Variants in BCAS1 observed in about 807,000 individuals in gnomAD.
BCAS1 encodes brain enriched myelin associated protein 1.
A neutral mutation model predicts 65.4 loss-of-function variants in BCAS1; 46 were observed. The ratio of observed to expected loss-of-function variants is 0.70; its 90% confidence interval spans 0.55 to 0.90. The LOEUF is 0.90. BCAS1 is among the 40% of genes least tolerant of loss of function. BCAS1 has a pLI of 0.00. For missense variants in BCAS1, 793 were observed against 771.2 expected, an observed-to-expected ratio of 1.03 and a Z score of -0.33; for synonymous variants, 298 against 293.5, an observed-to-expected ratio of 1.02 and a Z score of -0.16.
chr20:53,981,783 C>T (rs1247984814), intron 8 of BCAS1, among the ~76,000 whole-genome samples: 1 of 150,892 alleles, frequency 6.6e-6, no homozygotes, highest in African/African-American at 2.4e-5. Context: ...GAAGATATTC[C>T]AAATATATCA....
intron 10 of BCAS1, among the ~76,000 whole-genome samples, chr20:53,960,261 T>G (rs1424806833): frequency 6.6e-6 from 1 of 152,130 alleles, no homozygotes; most frequent in Non-Finnish European, 1.5e-5. Flanking sequence ...TTCCCGTTAG[T>G]TGTTTCAATT....
rs1420766458 is a variant in BCAS1 at position 53,985,569 on chromosome 20, T to C, written c.1063-70A>G. On this transcript the variant is annotated intron_variant, in intron 7 of 12. Transcript: ENST00000688948. ...CAAAATTTTAAAAATGGAAGATCTCTTTTTAATAAACATGGGCTGAGGTTA... is the reference window on the plus strand; with the variant it reads ...CAAAATTTTAAAAATGGAAGATCTCCTTTTAATAAACATGGGCTGAGGTTA... 15 of 1,398,976 alleles carry C rather than the reference T, an allele frequency of 1.1e-5. No homozygotes were observed. The Admixed American group carries it at 2.3e-4, about 22-fold the overall frequency. 86.7% of individuals were successfully genotyped at this position (1,398,976 alleles called of 1,614,324 possible).
intron 4 of BCAS1, among the ~76,000 whole-genome samples, chr20:54,016,412 G>A (rs1386581895): frequency 6.6e-6 from 1 of 152,052 alleles, no homozygotes; most frequent in Non-Finnish European, 1.5e-5. Context: ...GATCAAATTC[G>A]TGTACTTGGG....
chr20:54,001,163 T>G (rs138647167), intron 4 of BCAS1, among the ~76,000 whole-genome samples: 2,537 of 152,308 alleles, frequency 0.017, 87 homozygotes, highest in African/African-American at 0.057. Context: ...TAAGATTTGT[T>G]CGTGAAACTG....
At chr20:53,982,459 T>G (rs1458935477) in intron 8 of BCAS1, among the ~76,000 whole-genome samples, 2 of 152,188 alleles carry the variant, frequency 1.3e-5, no homozygotes, top group East Asian at 1.9e-4. Context: ...AACTTATACT[T>G]TCATATCCAT....
intron 4 of BCAS1, among the ~76,000 whole-genome samples, chr20:54,024,385 G>A (rs953988909): frequency 2.6e-5 from 4 of 152,162 alleles, no homozygotes; most frequent in East Asian, 1.9e-4. Flanking sequence ...ATTGTTAGGC[G>A]ATGAATGAAG....
Position 54,058,132 on chromosome 20 carries a change from C to G in BCAS1, c.95G>C (p.Gly32Ala), listed in dbSNP as rs141173606. The change falls in exon 3 of 13, where the codon GGG becomes GCG. Residue 32 changes from glycine (G) to alanine (A), a missense_variant. Gly to Ala is a moderately conservative substitution (Grantham distance 60). Transcript: ENST00000688948. ...GTGGGTCGACACCACCACTGGAACC[C>G]CGTTCAGAGCAGACGCGTTGTCCTG... ...TYQDNASALNGVPVVVSTHTV... is the reference protein window; with the variant it reads ...TYQDNASALNAVPVVVSTHTV... 388 of 1,614,036 alleles carry G rather than the reference C, an allele frequency of 2.4e-4. 1 individual carries two copies. In the African/African-American group the frequency reaches 4.5e-3, roughly 19 times the overall value.
intron 4 of BCAS1, among the ~76,000 whole-genome samples, chr20:54,005,303 A>AAAAACAAAACAAAACAAAACAAAAC (rs71196438): frequency 0.18 from 26,634 of 148,214 alleles, 2,668 homozygotes; most frequent in East Asian, 0.3. Context: ...GAAACAAAGC[A>AAAAACAAAACAAAACAAAACAAAAC]AAAACAAAAC....
intron 3 of BCAS1, among the ~76,000 whole-genome samples, chr20:54,043,289 ATGATAACT>A (rs1297706517): frequency 7.0e-6 from 1 of 142,616 alleles, no homozygotes; most frequent in Non-Finnish European, 1.5e-5. Flanking sequence ...GCTTGAAGCT[ATGATAACT>A]TGATGATGAT....
chr20:54,055,604 C>T (rs1176170270), intron 3 of BCAS1, among the ~76,000 whole-genome samples: 2 of 152,220 alleles, frequency 1.3e-5, no homozygotes, highest in South Asian at 4.2e-4. Context: ...GGTGGGGACA[C>T]AGAGCAAAAC....
chr20:54,023,908 T>A (rs892704867), intron 4 of BCAS1, among the ~76,000 whole-genome samples: 1 of 152,196 alleles, frequency 6.6e-6, no homozygotes, highest in African/African-American at 2.4e-5. Context: ...TTGAGGACTA[T>A]GGAAGGGAAA....
rs147212287 is a variant in BCAS1, at chr20:54,001,040, T to C, written c.724-4990A>G. ...TTGTTTGCATGTCAGACATTGTGAA[T>C]CTTACCTGTTTGGGTGGCTGGATAT... On this transcript the variant is annotated intron_variant, in intron 4 of 12. Coordinates refer to ENST00000688948, the MANE Select transcript of BCAS1 (RefSeq NM_001366298.2). 6.5e-3 allele frequency among the ~76,000 whole-genome samples: 988 copies of C among 152,316 alleles called. 12 individuals carry two copies. The highest frequency in any genetic ancestry group is 0.022 in the African/African-American group (927 of 41,570).
intron 2 of BCAS1, 139 bp from the exon 3 acceptor site, chr20:54,058,293 G>T: frequency 1.2e-6 from 1 of 805,070 alleles, no homozygotes; most frequent in Non-Finnish European, 2.0e-6. Flanking sequence ...AAACTCCCCA[G>T]TTTTCTATCA....
At chr20:54,009,388 C>T (rs538057097) in intron 4 of BCAS1, among the ~76,000 whole-genome samples, 55 of 152,224 alleles carry the variant, frequency 3.6e-4, no homozygotes, top group Non-Finnish European at 6.8e-4. Flanking sequence ...GCAAGAGAGT[C>T]AAGGTACAGA....
At position 53,992,621 on chromosome 20, in the gene BCAS1, T is replaced by A; in HGVS notation, c.953A>T (p.Asp318Val). Residue 318 changes from aspartate to valine, a missense_variant, in exon 7 of 13, where the codon GAT becomes GTT. By Grantham distance (152) the Asp-to-Val change is radical (BLOSUM62 -3). Transcript: ENST00000688948. ...DTASKAESVCDGQAGQKTSEI... is the reference protein window; with the variant it reads ...DTASKAESVCVGQAGQKTSEI... ...GGATGTCTTCTGACCAGCTTGTCCA[T>A]CACAGACACTTTCTGCTTTCGATGC... 7.3e-7 allele frequency: 1 copy of A among 1,366,086 alleles called. No individual in the cohort carries two copies. Among genetic ancestry groups the A allele is most frequent in the Non-Finnish European group, 9.8e-7 (1 of 1,021,766 alleles). The allele number at this position is 1,366,086 out of a possible 1,614,324, so 84.6% of individuals were successfully genotyped here.
At chr20:54,005,333 C>CAAAACAAAACAAA in intron 4 of BCAS1, among the ~76,000 whole-genome samples, 1 of 152,090 alleles carries the variant, frequency 6.6e-6, no homozygotes, top group East Asian at 1.9e-4. Flanking sequence ...CAAAACAAAA[C>CAAAACAAAACAAA]AGAAATTAGC....
At chr20:53,946,167 G>A (rs1340267531) in intron 12 of BCAS1, among the ~76,000 whole-genome samples, 1 of 151,802 alleles carries the variant, frequency 6.6e-6, no homozygotes, top group East Asian at 1.9e-4. Flanking sequence ...GTTCTATGAG[G>A]TTAGACCAAC....
At chr20:54,048,197 T>C (rs2092146057) in intron 3 of BCAS1, among the ~76,000 whole-genome samples, 1 of 152,120 alleles carries the variant, frequency 6.6e-6, no homozygotes, top group Non-Finnish European at 1.5e-5. Context: ...GTGTTTAGGA[T>C]GTGAGTTAGA....
At chr20:54,040,276 T>G (rs2276487) in intron 3 of BCAS1, among the ~76,000 whole-genome samples, 28,730 of 151,090 alleles carry the variant, frequency 0.19, 3,499 homozygotes, top group East Asian at 0.32. Flanking sequence ...GCTCTACAGA[T>G]TCACATTTCC....
Sources: gnomAD v4.1 joint callset for allele counts (sites outside exome capture counted in the v4.1 genomes callset) on GRCh38, gnomAD v4.1.1 for gene constraint, MANE v1.5 for transcripts, NCBI Gene and HGNC (gene_info 2026-07-23, HGNC 2026-07-21) for gene names.